Variants in PPAT observed in about 807,000 individuals in gnomAD.
PPAT encodes phosphoribosyl pyrophosphate amidotransferase.
A neutral mutation model predicts 60.2 loss-of-function variants in PPAT; 20 were observed. The observed-to-expected ratio is 0.33, with a 90% CI of 0.23 to 0.48. PPAT has a LOEUF of 0.48. Among genes scored for constraint, PPAT ranks in the 20% least tolerant of loss-of-function variants. PPAT has a pLI of 0.99. For missense variants in PPAT, 349 were observed against 629.6 expected, an observed-to-expected ratio of 0.55 and a Z score of 4.77; for synonymous variants, 194 against 215.1, an observed-to-expected ratio of 0.90 and a Z score of 0.86.
At chr4:56,402,906 C>A in intron 5 of PPAT, 134 bp downstream of exon 5, 3 of 520,078 alleles carry the variant, frequency 5.8e-6, no homozygotes, top group Non-Finnish European at 8.7e-6. Context: ...AGGAAGAATA[C>A]ATTTATTTTT....
At chr4:56,425,804 C>T (rs114524321) in intron 1 of PPAT, among the ~76,000 whole-genome samples, 4,057 of 152,244 alleles carry the variant, frequency 0.027, 199 homozygotes, top group African/African-American at 0.092. Context: ...TTCCATCTTG[C>T]AGCCAATGAC....
intron 1 of PPAT, among the ~76,000 whole-genome samples, chr4:56,433,397 T>TA (rs34598008): frequency 2.6e-3 from 307 of 118,092 alleles, no homozygotes; most frequent in African/African-American, 5.0e-3. Flanking sequence ...TGGTATTCAT[T>TA]AAAAAAAAAA....
intron 1 of PPAT, among the ~76,000 whole-genome samples, chr4:56,414,531 T>C (rs1716620958): frequency 6.6e-6 from 1 of 152,224 alleles, no homozygotes; most frequent in East Asian, 1.9e-4. Context: ...TACAAATGTA[T>C]CGCAAGTAAT....
At chr4:56,407,970 C>T (rs1429297054) in intron 1 of PPAT, 2 of 354,890 alleles carry the variant, frequency 5.6e-6, no homozygotes, top group East Asian at 4.4e-5. Context: ...TAGCATTTTA[C>T]GTTGTAAAAA....
intron 9 of PPAT, among the ~76,000 whole-genome samples, chr4:56,397,128 A>G (rs552557562): frequency 7.0e-5 from 10 of 143,372 alleles, no homozygotes; most frequent in African/African-American, 1.8e-4. Flanking sequence ...GTACGTTTAC[A>G]TGGCTATACT....
rs137938479 is a variant in PPAT at position 56,402,217 on chromosome 4, A to G, written c.662-36T>C. 10 of 1,475,414 alleles carry G rather than the reference A, an allele frequency of 6.8e-6. No homozygotes were observed. In the Admixed American group the frequency reaches 1.7e-4, roughly 25 times the overall value. The allele number at this position is 1,475,414 out of a possible 1,614,324, so 91.4% of individuals were successfully genotyped here. A position where few individuals can be genotyped will look rare whatever the true frequency, so the allele number is the denominator to read the frequency against. ...CAAATCAATTCAATTAATGGATTCCAGAAATTTTAAGAGGCTATTTCAATG... is the reference window on the plus strand; with the variant it reads ...CAAATCAATTCAATTAATGGATTCCGGAAATTTTAAGAGGCTATTTCAATG... On this transcript the variant is annotated intron_variant, in intron 5 of 10. Coordinates refer to ENST00000264220, the MANE Select transcript of PPAT (RefSeq NM_002703.5).
At position 56,396,810 on chromosome 4, in the gene PPAT, C is replaced by T. The variant is rs903211341; in HGVS notation, c.1237-71G>A. ...ATTCTTTCATTGTGCAAATACAATA[C>T]AAAATTGTTTTGCAGAATATTCAGT... On this transcript the variant is annotated intron_variant, in intron 9 of 10. Coordinates refer to ENST00000264220, the MANE Select transcript of PPAT (RefSeq NM_002703.5). The surrounding 1 kb of genome is among the most constrained non-coding windows in gnomAD (Gnocchi z 4.6). 4 of 1,446,726 alleles carry T rather than the reference C, an allele frequency of 2.8e-6. No homozygotes were observed. The African/African-American group carries it at 4.3e-5, about 16-fold the overall frequency. The allele number at this position is 1,446,726 out of a possible 1,614,324, so 89.6% of individuals were successfully genotyped here.
At chr4:56,407,841 T>C in intron 1 of PPAT, 125 bp from the exon 2 acceptor site, 1 of 712,574 alleles carries the variant, frequency 1.4e-6, no homozygotes, top group Admixed American at 2.0e-5. Flanking sequence ...TAAATGCTAC[T>C]TGTACTAGCA....
At chr4:56,422,966 G>A (rs945165482) in intron 1 of PPAT, 1 of 152,122 alleles carries the variant, frequency 6.6e-6, no homozygotes, top group African/African-American at 2.4e-5. Context: ...AAGTCTTCCA[G>A]GTTATAATGA....
intron 1 of PPAT, chr4:56,410,527 A>G: frequency 1.0e-6 from 1 of 986,698 alleles, no homozygotes; most frequent in Non-Finnish European, 1.2e-6. Context: ...TGGAGAGTGG[A>G]GCAGGAAAGC....
chr4:56,426,085 G>C (rs1717268490), intron 1 of PPAT, among the ~76,000 whole-genome samples: 1 of 152,074 alleles, frequency 6.6e-6, no homozygotes, highest in African/African-American at 2.4e-5. Context: ...TCCCATTTTA[G>C]AACATTTTGA....
chr4:56,427,642 TAAA>T (rs3036919), intron 1 of PPAT, among the ~76,000 whole-genome samples: 54 of 140,524 alleles, frequency 3.8e-4, no homozygotes, highest in Admixed American at 1.3e-3. Context: ...CCCTGTCTCT[TAAA>T]AAAAAAAAAA....
At position 56,401,373 on chromosome 4, in the gene PPAT, G is replaced by C. The variant is rs1206918007; in HGVS notation, c.843C>G (p.Ile281Met). 2.5e-6 allele frequency: 4 copies of C among 1,599,008 alleles called. No individual in the cohort carries two copies. Among genetic ancestry groups the C allele is most frequent in the African/African-American group, 1.3e-5 (1 of 74,304 alleles). ...GTCTTGCAAAATAAACATATTCAAAGATACAAAAAGCCACTGGGTTTCCTT... is the reference window on the plus strand; with the variant it reads ...GTCTTGCAAAATAAACATATTCAAACATACAAAAAGCCACTGGGTTTCCTT... ...RSEGNPVAFC[I>M]FEYVYFARPD... Residue 281 changes from isoleucine to methionine, a missense_variant, in exon 7 of 11, where the codon ATC (isoleucine) becomes ATG (methionine). Transcript: ENST00000264220.
chr4:56,395,505 T>C lies in PPAT; in HGVS notation c.1401A>G (p.Ser467=). 3 of 1,606,824 alleles carry C rather than the reference T, an allele frequency of 1.9e-6. No individual in the cohort carries two copies. Among genetic ancestry groups the C allele is most frequent in the South Asian group, 1.1e-5 (1 of 89,654 alleles). Residue 467 remains serine (S), a synonymous_variant, in exon 11 of 11, where the codon TCA becomes TCG. Transcript: ENST00000264220. ...TAAACTTTATCCCTTCTTGTACAGA[T>C]GAAACCAGTCCTTCTACTGACAGAT... is the stretch of plus-strand genomic sequence containing the variant. ...VVYLSVEGLV[S]SVQEGIKFKK...
In PPAT at chr4:56,393,377, TAC is replaced by T. The variant is rs1245234456; in HGVS notation, c.*1973_*1974del. 5 of 151,966 alleles carry T rather than the reference TAC, an allele frequency of 3.3e-5. No homozygotes were observed. The highest frequency in any genetic ancestry group is 1.2e-4 in the African/African-American group (5 of 41,488). 9.4% of individuals were successfully genotyped at this position (151,966 alleles called of 1,614,324 possible). On this transcript the variant is annotated 3_prime_UTR_variant, in exon 11 of 11. Transcript: ENST00000264220. Reference sequence around the variant, plus strand: ...GACACACATATTTAAACATACTTATTACACATATTTATCAACAAGGCATCACA... The same window carrying T: ...GACACACATATTTAAACATACTTATTACATATTTATCAACAAGGCATCACA...
At chr4:56,431,400 T>C (rs927435738) in intron 1 of PPAT, 3 of 973,618 alleles carry the variant, frequency 3.1e-6, no homozygotes, top group Non-Finnish European at 3.7e-6. Context: ...CCAGTGGTAA[T>C]GTTCTGTACT....
intron 8 of PPAT, 22 bp downstream of exon 8, chr4:56,400,762 C>A (rs1560637551): frequency 6.2e-7 from 1 of 1,603,616 alleles, no homozygotes; most frequent in African/African-American, 1.3e-5. Flanking sequence ...CAATTCACTG[C>A]ATGTTAATTA....
intron 1 of PPAT, among the ~76,000 whole-genome samples, chr4:56,426,890 A>G (rs1717317952): frequency 1.3e-5 from 2 of 152,202 alleles, no homozygotes. Context: ...CCATTAAACA[A>G]TAACTCCTCC....
At chr4:56,425,155 A>G (rs1717224414) in intron 1 of PPAT, among the ~76,000 whole-genome samples, 1 of 152,226 alleles carries the variant, frequency 6.6e-6, no homozygotes, top group Non-Finnish European at 1.5e-5. Context: ...ACCATCTCAA[A>G]GGGTACGCTA....
Sources: gnomAD v4.1 joint callset for allele counts (sites outside exome capture counted in the v4.1 genomes callset) on GRCh38, gnomAD v4.1.1 for gene constraint, Gnocchi (gnomAD v3.1) non-coding constraint, MANE v1.5 for transcripts, NCBI Gene and HGNC (gene_info 2026-07-23, HGNC 2026-07-21) for gene names.